Variants in PEAK1 observed in about 807,000 individuals in gnomAD.
PEAK1 encodes the protein inactive tyrosine-protein kinase PEAK1.
PEAK1 carries 54 observed loss-of-function variants against 124.7 expected under a neutral mutation model. That is an observed-to-expected ratio of 0.43 (90% CI 0.35 to 0.54). PEAK1 has a LOEUF of 0.54. PEAK1 is among the 20% of genes least tolerant of loss of function. The pLI is 0.01. For synonymous variants in PEAK1, 719 were observed against 760.0 expected (o/e 0.95, Z 0.89); for missense variants, 2,046 against 2,134.5 (o/e 0.96, Z 0.82).
chr15:77,131,127 C>T (rs2152738041), intron 9 of PEAK1, among the ~76,000 whole-genome samples: 1 of 152,294 alleles, frequency 6.6e-6, no homozygotes, highest in South Asian at 2.1e-4. Flanking sequence ...CTGAAATAAG[C>T]AATCCACATG....
At chr15:77,403,924 C>T (rs962133822) in intron 1 of PEAK1, 37 of 977,420 alleles carry the variant, frequency 3.8e-5, no homozygotes, top group Middle Eastern at 1.0e-3. Context: ...CTTTTAGGTT[C>T]AGGGGATACA....
At chr15:77,338,311 G>A (rs1343013410) in intron 2 of PEAK1, among the ~76,000 whole-genome samples, 2 of 152,094 alleles carry the variant, frequency 1.3e-5, no homozygotes, top group Non-Finnish European at 2.9e-5. Context: ...CCCATCCCAA[G>A]CAAAATCAAG....
chr15:77,181,041 G>A lies in PEAK1; in HGVS notation c.886C>T (p.Leu296=). 1 of 1,614,152 alleles carries A rather than the reference G, an allele frequency of 6.2e-7. No homozygotes were observed. Residue 296 remains leucine, a synonymous_variant, in exon 7 of 10, where the codon CTG becomes TTG. Coordinates refer to ENST00000682557, the MANE Select transcript of PEAK1 (RefSeq NM_001385026.1). Reference sequence around the variant, plus strand: ...ATTCTCTGCAGAGACTTGTTTCGCAGGGGGATGGTATTCCATTTTTTGTCC... The same window carrying A: ...ATTCTCTGCAGAGACTTGTTTCGCAAGGGGATGGTATTCCATTTTTTGTCC... ...FVDKKWNTIP[L]RNKSLQRICA... is the part of the protein sequence containing the mutation.
At chr15:77,203,610 GA>G (rs2058479064) in intron 6 of PEAK1, among the ~76,000 whole-genome samples, 1 of 150,636 alleles carries the variant, frequency 6.6e-6, no homozygotes, top group Non-Finnish European at 1.5e-5. Context: ...AGATAGACCA[GA>G]AACAGATCCA....
chr15:77,279,968 T>G (rs2062574000), intron 5 of PEAK1, among the ~76,000 whole-genome samples: 1 of 152,038 alleles, frequency 6.6e-6, no homozygotes, highest in African/African-American at 2.4e-5. Context: ...TTTTCTAGGG[T>G]GATGGGACTG....
chr15:77,128,849 C>G (rs561146185), intron 9 of PEAK1, among the ~76,000 whole-genome samples: 2 of 152,154 alleles, frequency 1.3e-5, no homozygotes, highest in Non-Finnish European at 2.9e-5. Context: ...GGACTTTAGA[C>G]TTTAGAGTTG....
intron 1 of PEAK1, among the ~76,000 whole-genome samples, chr15:77,380,648 T>C (rs1433963644): frequency 6.6e-6 from 1 of 151,888 alleles, no homozygotes; most frequent in Non-Finnish European, 1.5e-5. Flanking sequence ...CCAGTTAATT[T>C]TTGTACTTAG....
At chr15:77,281,936 C>T (rs1165408079) in intron 5 of PEAK1, among the ~76,000 whole-genome samples, 1 of 152,142 alleles carries the variant, frequency 6.6e-6, no homozygotes, top group Non-Finnish European at 1.5e-5. Context: ...TCTGAATCAA[C>T]CCATTTAATT....
At chr15:77,400,365 T>A (rs903716946) in intron 1 of PEAK1, among the ~76,000 whole-genome samples, 4 of 152,156 alleles carry the variant, frequency 2.6e-5, no homozygotes, top group Non-Finnish European at 5.9e-5. Context: ...TCCACTCCCA[T>A]GTTTACTGCA....
At chr15:77,170,067 GGGTTA>G (rs1011672578) in intron 7 of PEAK1, among the ~76,000 whole-genome samples, 1 of 152,116 alleles carries the variant, frequency 6.6e-6, no homozygotes, top group African/African-American at 2.4e-5. Context: ...GTTTAGCCAG[GGGTTA>G]GCTACTAGGG....
intron 7 of PEAK1, among the ~76,000 whole-genome samples, chr15:77,163,913 A>G (rs1229077248): frequency 8.5e-5 from 13 of 152,148 alleles, no homozygotes; most frequent in Admixed American, 6.5e-4. Flanking sequence ...ACAAAACGTC[A>G]TCGTTTTGTT....
intron 5 of PEAK1, among the ~76,000 whole-genome samples, chr15:77,259,117 C>T (rs1238401812): frequency 6.6e-6 from 1 of 152,140 alleles, no homozygotes; most frequent in Non-Finnish European, 1.5e-5. Flanking sequence ...TAAATGCCTA[C>T]AAAGCCCAAA....
chr15:77,314,563 T>C (rs905768964), intron 2 of PEAK1, among the ~76,000 whole-genome samples: 29 of 151,894 alleles, frequency 1.9e-4, no homozygotes, highest in African/African-American at 7.0e-4. Context: ...AGAGGCAGGG[T>C]TTCACCATGC....
intron 2 of PEAK1, chr15:77,335,711 A>C: frequency 1.1e-6 from 1 of 930,736 alleles, no homozygotes. Flanking sequence ...GGCTGGTCTC[A>C]AACTACTGAC....
intron 9 of PEAK1, among the ~76,000 whole-genome samples, chr15:77,120,138 AC>A (rs1249875170): frequency 6.6e-6 from 1 of 151,994 alleles, no homozygotes; most frequent in Non-Finnish European, 1.5e-5. Flanking sequence ...TTCTTCATTG[AC>A]CCTTTTTCCC....
Position 77,133,594 on chromosome 15 carries a change from G to A in PEAK1, c.3488C>T (p.Ala1163Val). 1 of 1,614,130 alleles carries A rather than the reference G, an allele frequency of 6.2e-7. No individual in the cohort carries two copies. Among genetic ancestry groups the A allele is most frequent in the Non-Finnish European group, 8.5e-7 (1 of 1,180,022 alleles). The change falls in exon 9 of 10, where the codon GCC becomes GTC. Residue 1163 changes from alanine (A) to valine (V), a missense_variant. Coordinates refer to ENST00000682557, the MANE Select transcript of PEAK1 (RefSeq NM_001385026.1). The surrounding 1 kb of genome is among the most constrained non-coding windows in gnomAD (Gnocchi z 4.2). ...GTCCTTGGAGATTGGCTCTGTATTG[G>A]CTCTTATGATCATCTTCTTTGGCAG... is the stretch of plus-strand genomic sequence containing the variant. ...PPLPKKMIIR[A>V]NTEPISKDLQ...
Position 77,181,372 on chromosome 15 carries a change from T to C in PEAK1, c.555A>G (p.Lys185=). The change falls in exon 7 of 10, where the codon AAA becomes AAG. Residue 185 remains lysine (K), a synonymous_variant. Coordinates refer to ENST00000682557, the MANE Select transcript of PEAK1 (RefSeq NM_001385026.1). ...GTGGAAGCTTTCTTTCCAATGATCG[T>C]TTATAGCAATCATTTATTCTTCCCA... The part of the protein sequence containing the change: ...TFLGRINDCY[K]RSLERKLPPS... 6.2e-7 allele frequency: 1 copy of C among 1,614,136 alleles called. No homozygotes were observed. The highest frequency in any genetic ancestry group is 1.6e-4 in the Middle Eastern group (1 of 6,062).
chr15:77,195,002 G>A (rs1329332417), intron 6 of PEAK1, among the ~76,000 whole-genome samples: 1 of 151,974 alleles, frequency 6.6e-6, no homozygotes, highest in Non-Finnish European at 1.5e-5. Flanking sequence ...AAGAAGGGAA[G>A]CAAACAACTA....
In PEAK1 at chr15:77,180,165, G is replaced by T; in HGVS notation, c.1762C>A (p.Pro588Thr). 6.2e-7 allele frequency: 1 copy of T among 1,614,098 alleles called. No individual in the cohort carries two copies. The highest frequency in any genetic ancestry group is 8.5e-7 in the Non-Finnish European group (1 of 1,179,960). The part of the protein sequence containing the change: ...ISSKTIPVKS[P>T]NLSEIKFNSY... ...TTAAATTTAATTTCAGACAAATTAG[G>T]TGACTTAACAGGGATGGTTTTGGAG... The change falls in exon 7 of 10, where the codon CCT becomes ACT. Residue 588 changes from proline to threonine, a missense_variant. By Grantham distance (38) the Pro-to-Thr change is conservative. Coordinates refer to ENST00000682557, the MANE Select transcript of PEAK1 (RefSeq NM_001385026.1).
Sources: allele counts gnomAD v4.1 joint callset (sites outside exome capture counted in the v4.1 genomes callset), GRCh38; gene constraint gnomAD v4.1.1; non-coding constraint Gnocchi (gnomAD v3.1); transcripts MANE v1.5; gene names NCBI Gene and HGNC (gene_info 2026-07-23, HGNC 2026-07-21).